Variants in FBXL7 observed in about 807,000 individuals in gnomAD.
FBXL7 encodes the protein F-box and leucine rich repeat protein 7, also known as F-box/LRR-repeat protein 7.
A neutral mutation model predicts 38.3 loss-of-function variants in FBXL7; 12 were observed. That is an observed-to-expected ratio of 0.31 (90% CI 0.20 to 0.51). The LOEUF (loss-of-function observed/expected upper bound fraction) is 0.51. Ranked by LOEUF, FBXL7 falls within the 20% of genes least tolerant of loss-of-function variation. The pLI, the probability that FBXL7 is intolerant of heterozygous loss-of-function variation, is 0.98. For missense variants in FBXL7, 567 were observed against 676.4 expected (o/e 0.84, Z 1.79); for synonymous variants, 297 against 300.9 (o/e 0.99, Z 0.13).
chr5:15,882,863 C>A (rs1217113227), intron 2 of FBXL7, among the ~76,000 whole-genome samples: 1 of 151,962 alleles, frequency 6.6e-6, no homozygotes, highest in Non-Finnish European at 1.5e-5. Flanking sequence ...CCTAATACAG[C>A]TCGAATGTCA....
chr5:15,625,926 A>C (rs1740801086), intron 2 of FBXL7, among the ~76,000 whole-genome samples: 1 of 152,196 alleles, frequency 6.6e-6, no homozygotes, highest in Non-Finnish European at 1.5e-5. Context: ...GATGCTGAAG[A>C]AATCTCTTAA....
intron 2 of FBXL7, among the ~76,000 whole-genome samples, chr5:15,913,244 T>C (rs1262319456): frequency 6.9e-6 from 1 of 144,462 alleles, no homozygotes; most frequent in African/African-American, 2.5e-5. Flanking sequence ...TATTTTCTTT[T>C]TTTTTTTAAT....
intron 1 of FBXL7, among the ~76,000 whole-genome samples, chr5:15,534,822 G>T (rs189584610): frequency 7.6e-4 from 115 of 152,312 alleles, no homozygotes; most frequent in African/African-American, 2.6e-3. Flanking sequence ...CCAGTGTTTG[G>T]TGTTGTCAGT....
intron 2 of FBXL7, among the ~76,000 whole-genome samples, chr5:15,889,103 A>G (rs1740799969): frequency 6.6e-6 from 1 of 152,176 alleles, no homozygotes; most frequent in South Asian, 2.1e-4. Flanking sequence ...GCGGGGGGAA[A>G]GAAGGAACAT....
At chr5:15,574,015 TCTTA>T (rs1738877422) in intron 1 of FBXL7, among the ~76,000 whole-genome samples, 1 of 152,222 alleles carries the variant, frequency 6.6e-6, no homozygotes, top group African/African-American at 2.4e-5. Context: ...CCTAAGTTCT[TCTTA>T]CTTAACTCTT....
At position 15,842,246 on chromosome 5, in the gene FBXL7, G is replaced by A. The variant is rs554234513; in HGVS notation, c.128-85644G>A. Among the ~76,000 whole-genome samples the A allele has an allele frequency of 7.9e-5, 12 of 152,330 alleles. No individual in the cohort carries two copies. The East Asian group carries it at 1.9e-3, about 25-fold the overall frequency. ...GCATGACCTGGATGTGGGATATAGA[G>A]TCAAAGGAGATCATTTTGGAACTTG... On this transcript the variant is annotated intron_variant, in intron 2 of 3. Transcript: ENST00000504595.
At chr5:15,784,055 T>C (rs1579459428) in intron 2 of FBXL7, among the ~76,000 whole-genome samples, 2 of 152,204 alleles carry the variant, frequency 1.3e-5, no homozygotes, top group South Asian at 4.1e-4. Flanking sequence ...ACTGTTTCCC[T>C]GGCAGCCTAT....
chr5:15,838,867 G>T (rs1240551552), intron 2 of FBXL7, among the ~76,000 whole-genome samples: 1 of 152,030 alleles, frequency 6.6e-6, no homozygotes, highest in Non-Finnish European at 1.5e-5. Flanking sequence ...GAAAATTAAT[G>T]ACTTTAAAGT....
rs575126000 is a variant in FBXL7, at chr5:15,932,712, T to C, written c.740-3738T>C. ...GTGTCTATTATCTTACTACCTGGAC[T>C]CCATATCTATTAATATATATGCAAA... is the stretch of plus-strand genomic sequence containing the variant. On this transcript the variant is annotated intron_variant, in intron 3 of 3. Coordinates refer to ENST00000504595, the MANE Select transcript of FBXL7 (RefSeq NM_012304.5). 4.6e-4 allele frequency among the ~76,000 whole-genome samples: 70 copies of C among 152,252 alleles called. 1 individual carries two copies. The East Asian group carries it at 9.9e-3, about 21-fold the overall frequency.
intron 2 of FBXL7, among the ~76,000 whole-genome samples, chr5:15,897,244 T>C (rs1741125584): frequency 6.6e-6 from 1 of 152,214 alleles, no homozygotes; most frequent in Non-Finnish European, 1.5e-5. Flanking sequence ...TTCTATGCAA[T>C]CACTCACCTT....
At chr5:15,562,818 TAAAAC>T (rs1257871149) in intron 1 of FBXL7, among the ~76,000 whole-genome samples, 1 of 152,088 alleles carries the variant, frequency 6.6e-6, no homozygotes, top group Non-Finnish European at 1.5e-5. Flanking sequence ...CAGCAGTAAA[TAAAAC>T]AAGGTGAAAA....
intron 2 of FBXL7, among the ~76,000 whole-genome samples, chr5:15,821,158 G>A (rs1579492661): frequency 6.6e-6 from 1 of 152,094 alleles, no homozygotes; most frequent in Non-Finnish European, 1.5e-5. Flanking sequence ...ATTTCCAAAG[G>A]TAAGAAATCA....
intron 1 of FBXL7, among the ~76,000 whole-genome samples, chr5:15,593,638 A>G (rs1739541627): frequency 6.6e-6 from 1 of 152,182 alleles, no homozygotes; most frequent in Non-Finnish European, 1.5e-5. Context: ...AGCTTTTATA[A>G]AAAGCTAAAT....
At chr5:15,643,919 CA>C (rs1741446273) in intron 2 of FBXL7, among the ~76,000 whole-genome samples, 1 of 152,224 alleles carries the variant, frequency 6.6e-6, no homozygotes, top group East Asian at 1.9e-4. Context: ...GTGTCTGACT[CA>C]GTGTTTTCCT....
intron 2 of FBXL7, among the ~76,000 whole-genome samples, chr5:15,754,426 G>T (rs184176853): frequency 1.3e-5 from 2 of 152,300 alleles, no homozygotes; most frequent in Admixed American, 1.3e-4. Context: ...TCCAGCAGCA[G>T]GGGCATCACA....
In FBXL7 at chr5:15,717,977, A is replaced by G. The variant is rs185670553; in HGVS notation, c.127+101905A>G. Among the ~76,000 whole-genome samples the G allele has an allele frequency of 1.2e-3, 190 of 152,282 alleles. 2 individuals carry two copies. The highest frequency in any genetic ancestry group is 4.5e-3 in the African/African-American group (187 of 41,566). ...ATCTATGTTAATGTTGAATTATTAT[A>G]TGTTAGTGTTTAATTATTAACTTTT... On this transcript the variant is annotated intron_variant, in intron 2 of 3. Coordinates refer to ENST00000504595, the MANE Select transcript of FBXL7 (RefSeq NM_012304.5).
At chr5:15,796,226 C>A (rs183266381) in intron 2 of FBXL7, among the ~76,000 whole-genome samples, 2 of 152,146 alleles carry the variant, frequency 1.3e-5, no homozygotes, top group Non-Finnish European at 2.9e-5. Context: ...AAATAGCCAA[C>A]AGGAAAGACC....
intron 2 of FBXL7, among the ~76,000 whole-genome samples, chr5:15,763,631 A>T (rs948341187): frequency 5.3e-5 from 8 of 152,240 alleles, no homozygotes; most frequent in Non-Finnish European, 1.2e-4. Flanking sequence ...TCTCTACATC[A>T]GAGCATTATT....
rs866669390 is a variant in FBXL7 at position 15,677,965 on chromosome 5, C to T, written c.127+61893C>T. Among the ~76,000 whole-genome samples the T allele has an allele frequency of 6.6e-5, 10 of 152,210 alleles. No homozygotes were observed. In the East Asian group the frequency reaches 1.2e-3, roughly 18 times the overall value. ...TTCCTAAGAAAGGGCACCTTTCAGCCGGAACATTACGTTTGTCAACTTCTC... is the reference window on the plus strand; with the variant it reads ...TTCCTAAGAAAGGGCACCTTTCAGCTGGAACATTACGTTTGTCAACTTCTC... On this transcript the variant is annotated intron_variant, in intron 2 of 3. Coordinates refer to ENST00000504595, the MANE Select transcript of FBXL7 (RefSeq NM_012304.5).
Sources: gnomAD v4.1 joint callset for allele counts (sites outside exome capture counted in the v4.1 genomes callset) on GRCh38, gnomAD v4.1.1 for gene constraint, MANE v1.5 for transcripts, NCBI Gene and HGNC (gene_info 2026-07-23, HGNC 2026-07-21) for gene names.